The following CNTN5 variants were observed in gnomAD, a reference collection of about 807,000 sequenced individuals.
The protein encoded by CNTN5 is contactin-5.
In CNTN5, 77 loss-of-function variants were observed where a neutral mutation model predicts 129.1. That is an observed-to-expected ratio of 0.60 (90% CI 0.50 to 0.72). The LOEUF (loss-of-function observed/expected upper bound fraction) is 0.72, where lower values mean the gene tolerates loss of function less well. Among genes scored for constraint, CNTN5 ranks in the 30% least tolerant of loss-of-function variants. CNTN5 has a pLI of 0.00. For synonymous variants in CNTN5, 509 were observed against 465.6 expected (o/e 1.09, Z -1.20); for missense variants, 1,478 against 1,328.8 (o/e 1.11, Z -1.75).
At chr11:100,147,631 C>T (rs926165951) in intron 13 of CNTN5, among the ~76,000 whole-genome samples, 2 of 151,716 alleles carry the variant, frequency 1.3e-5, no homozygotes, top group Non-Finnish European at 2.9e-5. Context: ...AAAAAAAATG[C>T]GTGTATTTGT....
intron 15 of CNTN5, among the ~76,000 whole-genome samples, chr11:100,207,663 C>T (rs1214452137): frequency 1.3e-5 from 2 of 151,928 alleles, no homozygotes; most frequent in Non-Finnish European, 2.9e-5. Context: ...ATTTTTGAAA[C>T]CTGTACTTCA....
intron 9 of CNTN5, among the ~76,000 whole-genome samples, chr11:100,042,692 A>G (rs17094219): frequency 0.012 from 1,875 of 152,356 alleles, 50 homozygotes; most frequent in African/African-American, 0.043. Flanking sequence ...CATACTTTCA[A>G]GAACTACATT....
intron 3 of CNTN5, among the ~76,000 whole-genome samples, chr11:99,625,634 AT>A (rs1050986134): frequency 6.6e-6 from 1 of 152,114 alleles, no homozygotes; most frequent in Non-Finnish European, 1.5e-5. Flanking sequence ...TTCTCCAGAA[AT>A]TTAACAGCTA....
intron 6 of CNTN5, among the ~76,000 whole-genome samples, chr11:99,886,309 T>C (rs1948900445): frequency 6.6e-6 from 1 of 152,108 alleles, no homozygotes; most frequent in South Asian, 2.1e-4. Flanking sequence ...AAGTGATTAG[T>C]AATCAAAATA....
chr11:100,148,254 G>A (rs1227920608), intron 13 of CNTN5, among the ~76,000 whole-genome samples: 1 of 152,068 alleles, frequency 6.6e-6, no homozygotes, highest in Non-Finnish European at 1.5e-5. Context: ...GTTTGGTCTT[G>A]TACATATTGT....
chr11:99,249,932 T>G (rs1368775537), intron 1 of CNTN5, among the ~76,000 whole-genome samples: 1 of 151,992 alleles, frequency 6.6e-6, no homozygotes, highest in East Asian at 1.9e-4. Flanking sequence ...TAGTTTATAG[T>G]AGACAAGACA....
intron 2 of CNTN5, among the ~76,000 whole-genome samples, chr11:99,494,995 A>G (rs1946170707): frequency 6.6e-6 from 1 of 152,220 alleles, no homozygotes; most frequent in South Asian, 2.1e-4. Flanking sequence ...TTTATAGATA[A>G]AATCAAAAAC....
intron 4 of CNTN5, among the ~76,000 whole-genome samples, chr11:99,841,896 A>ATT (rs1555131155): frequency 4.4e-4 from 10 of 22,942 alleles, no homozygotes; most frequent in East Asian, 4.0e-3. Context: ...ATATATATAT[A>ATT]TTTTTTTTTT....
chr11:99,423,637 T>C (rs538547491), intron 2 of CNTN5, among the ~76,000 whole-genome samples: 1 of 152,320 alleles, frequency 6.6e-6, no homozygotes, highest in South Asian at 2.1e-4. Context: ...CCTACATTAG[T>C]GCTTCTCAAA....
chr11:99,742,290 G>T (rs567794654), intron 3 of CNTN5, among the ~76,000 whole-genome samples: 2 of 152,254 alleles, frequency 1.3e-5, no homozygotes, highest in Admixed American at 6.5e-5. Context: ...TGCTTATCAT[G>T]TAGAAAGATT....
chr11:100,143,488 C>A (rs1028767143), intron 13 of CNTN5, among the ~76,000 whole-genome samples: 38 of 152,090 alleles, frequency 2.5e-4, no homozygotes, highest in African/African-American at 8.2e-4. Context: ...GAGAACAGAT[C>A]TCTTTTTCTC....
intron 13 of CNTN5, among the ~76,000 whole-genome samples, chr11:100,159,280 C>T (rs890652864): frequency 2.6e-5 from 4 of 151,690 alleles, no homozygotes; most frequent in Non-Finnish European, 5.9e-5. Context: ...TAAAATGTTG[C>T]CAATGTTCTA....
chr11:100,282,003 T>A (rs1950650480), intron 18 of CNTN5, among the ~76,000 whole-genome samples: 1 of 151,708 alleles, frequency 6.6e-6, no homozygotes, highest in African/African-American at 2.4e-5. Flanking sequence ...TCTATTTTTT[T>A]TTTTTTTTTT....
At chr11:99,887,322 A>T (rs1391832284) in intron 6 of CNTN5, among the ~76,000 whole-genome samples, 1 of 152,180 alleles carries the variant, frequency 6.6e-6, no homozygotes, top group Non-Finnish European at 1.5e-5. Flanking sequence ...AATTTTTTGT[A>T]AATGTGAACT....
intron 6 of CNTN5, among the ~76,000 whole-genome samples, chr11:99,860,177 A>AT (rs1305426587): frequency 6.6e-6 from 1 of 152,052 alleles, no homozygotes. Flanking sequence ...TATTTCACTC[A>AT]TTTTTAATGG....
rs111749200 is a variant in CNTN5 at position 100,282,856 on chromosome 11, G to A, written c.2314+11615G>A. On this transcript the variant is annotated intron_variant, in intron 18 of 24. Coordinates refer to ENST00000524871, the MANE Select transcript of CNTN5 (RefSeq NM_014361.4). The stretch of plus-strand genomic sequence containing the variant: ...TCCAAAGGCAGAGGAGCCTCACCAC[G>A]TGGCCACTGCCACCACAAGCCCACA... Among the ~76,000 whole-genome samples, 1,167 of 144,496 alleles carry A rather than the reference G, an allele frequency of 8.1e-3. 22 individuals are homozygous for A. The highest frequency in any genetic ancestry group is 0.028 in the African/African-American group (1,080 of 38,606). The allele number at this position is 144,496 out of a possible 152,430, so 94.8% of individuals were successfully genotyped here. A position where few individuals can be genotyped will look rare whatever the true frequency, so the allele number is the denominator to read the frequency against.
intron 1 of CNTN5, among the ~76,000 whole-genome samples, chr11:99,289,922 T>C (rs1347694719): frequency 2.6e-5 from 4 of 151,850 alleles, no homozygotes; most frequent in African/African-American, 9.7e-5. Context: ...TATGCATGAT[T>C]ATAGTCTCCT....
At chr11:100,274,577 C>T (rs1429242482) in intron 18 of CNTN5, among the ~76,000 whole-genome samples, 1 of 152,160 alleles carries the variant, frequency 6.6e-6, no homozygotes, top group African/African-American at 2.4e-5. Flanking sequence ...TGTGTAGACA[C>T]TTTTCAAAAG....
intron 2 of CNTN5, among the ~76,000 whole-genome samples, chr11:99,428,674 C>T (rs1312141879): frequency 1.3e-5 from 2 of 151,382 alleles, no homozygotes; most frequent in East Asian, 1.9e-4. Context: ...AATATAACTT[C>T]AAGATTCTAA....
Sources: allele counts gnomAD v4.1 joint callset (sites outside exome capture counted in the v4.1 genomes callset), GRCh38; gene constraint gnomAD v4.1.1; transcripts MANE v1.5; gene names NCBI Gene and HGNC (gene_info 2026-07-23, HGNC 2026-07-21).